Variants in TSHZ2 observed in about 807,000 individuals in gnomAD.
The protein encoded by TSHZ2 is teashirt homolog 2.
TSHZ2 carries 21 observed loss-of-function variants against 74.4 expected under a neutral mutation model. That is an observed-to-expected ratio of 0.28 (90% CI 0.20 to 0.41). The LOEUF (loss-of-function observed/expected upper bound fraction) is 0.41, where lower values mean the gene tolerates loss of function less well. TSHZ2 is among the 10% of genes least tolerant of loss of function. TSHZ2 has a pLI of 1.00. For synonymous variants in TSHZ2, 540 were observed against 515.3 expected (o/e 1.05, Z -0.65); for missense variants, 1,244 against 1,293.5 (o/e 0.96, Z 0.59).
intron 1 of TSHZ2, among the ~76,000 whole-genome samples, chr20:53,129,742 G>A (rs1324148981): frequency 1.3e-5 from 2 of 152,114 alleles, no homozygotes; most frequent in Non-Finnish European, 2.9e-5. Flanking sequence ...TCTACGCAGA[G>A]TGGCTCTGCG....
intron 1 of TSHZ2, chr20:53,178,424 G>A (rs978488589): frequency 2.0e-5 from 3 of 152,216 alleles, no homozygotes; most frequent in Non-Finnish European, 4.4e-5. Flanking sequence ...CTGTTTTCAT[G>A]TTCTTTTGTT....
At position 53,253,488 on chromosome 20, in the gene TSHZ2, T is replaced by C. The variant is rs748806888; in HGVS notation, c.41-11T>C. ...GTTACTGTCGTTTCATCTCTTCTTC[T>C]TCTCTTGCAGGCTACGCCCAGGAGG... On this transcript the variant is annotated splice_polypyrimidine_tract_variant and intron_variant, in intron 1 of 2. Coordinates refer to ENST00000371497, the MANE Select transcript of TSHZ2 (RefSeq NM_173485.6). 1.9e-6 allele frequency: 3 copies of C among 1,584,756 alleles called. No homozygotes were observed. Among genetic ancestry groups the C allele is most frequent in the Admixed American group, 1.8e-5 (1 of 56,100 alleles).
At chr20:53,286,299 G>A (rs1362983927) in intron 2 of TSHZ2, among the ~76,000 whole-genome samples, 1 of 152,202 alleles carries the variant, frequency 6.6e-6, no homozygotes, top group African/African-American at 2.4e-5. Context: ...GCTTTGTGAG[G>A]CAACACAAGA....
chr20:52,977,768 G>T (rs890640355), intron 1 of TSHZ2, among the ~76,000 whole-genome samples: 3 of 152,112 alleles, frequency 2.0e-5, no homozygotes, highest in African/African-American at 7.2e-5. Flanking sequence ...GACACAATAC[G>T]TTAACCCTAA....
intron 2 of TSHZ2, among the ~76,000 whole-genome samples, chr20:53,386,517 A>G (rs1382945204): frequency 1.3e-5 from 2 of 152,212 alleles, no homozygotes; most frequent in African/African-American, 2.4e-5. Flanking sequence ...AGCCTGCCAT[A>G]TTGTAATTTG....
intron 1 of TSHZ2, among the ~76,000 whole-genome samples, chr20:53,104,906 G>T (rs2123303820): frequency 6.6e-6 from 1 of 152,288 alleles, no homozygotes; most frequent in Non-Finnish European, 1.5e-5. Flanking sequence ...TGAAGATGGC[G>T]CCCACCTTTC....
At chr20:53,071,259 A>C (rs929222435) in intron 1 of TSHZ2, among the ~76,000 whole-genome samples, 3 of 152,214 alleles carry the variant, frequency 2.0e-5, no homozygotes, top group Non-Finnish European at 4.4e-5. Context: ...TGAAGTATAC[A>C]GAGACGGGAG....
intron 1 of TSHZ2, among the ~76,000 whole-genome samples, chr20:53,117,812 C>T (rs957418815): frequency 6.6e-6 from 1 of 152,184 alleles, no homozygotes; most frequent in East Asian, 1.9e-4. Flanking sequence ...GCTCTCTGTT[C>T]CCATCTTTTG....
chr20:53,194,460 T>C (rs954100368), intron 1 of TSHZ2, among the ~76,000 whole-genome samples: 1 of 152,228 alleles, frequency 6.6e-6, no homozygotes, highest in African/African-American at 2.4e-5. Context: ...TTGTCAGTGA[T>C]TCAAAGACAT....
At chr20:53,183,873 C>T (rs1387128445) in intron 1 of TSHZ2, among the ~76,000 whole-genome samples, 1 of 152,212 alleles carries the variant, frequency 6.6e-6, no homozygotes, top group Non-Finnish European at 1.5e-5. Context: ...CAAGGCTGCT[C>T]TGCAGATTGC....
chr20:53,005,502 G>A, intron 1 of TSHZ2, among the ~76,000 whole-genome samples: 1 of 152,136 alleles, frequency 6.6e-6, no homozygotes, highest in East Asian at 1.9e-4. Flanking sequence ...CTGTCCCCAG[G>A]CAGTAGACAC....
At chr20:53,162,579 C>G (rs544433952) in intron 1 of TSHZ2, among the ~76,000 whole-genome samples, 1 of 152,236 alleles carries the variant, frequency 6.6e-6, no homozygotes, top group Non-Finnish European at 1.5e-5. Flanking sequence ...TTACCTTCCA[C>G]TGCCAGTGTC....
At position 53,008,424 on chromosome 20, in the gene TSHZ2, A is replaced by G. The variant is rs1033067391; in HGVS notation, c.40+35091A>G. On this transcript the variant is annotated intron_variant, in intron 1 of 2. Transcript: ENST00000371497. Reference sequence around the variant, plus strand: ...TCCCCTGGTTGAATAAAACAGTGGGAGGAGGCATTTGATAGGCTTATAATG... The same window carrying G: ...TCCCCTGGTTGAATAAAACAGTGGGGGGAGGCATTTGATAGGCTTATAATG... Among the ~76,000 whole-genome samples the G allele has an allele frequency of 2.8e-4, 43 of 152,260 alleles. 1 individual carries two copies. Among genetic ancestry groups the G allele is most frequent in the African/African-American group, 1.0e-3 (43 of 41,548 alleles).
chr20:53,396,202 G>C (rs1341284648), intron 2 of TSHZ2, among the ~76,000 whole-genome samples: 2 of 152,238 alleles, frequency 1.3e-5, no homozygotes, highest in Non-Finnish European at 2.9e-5. Context: ...CTCCCAGAGT[G>C]CTGGGATTAC....
intron 2 of TSHZ2, among the ~76,000 whole-genome samples, chr20:53,258,825 G>A (rs1307102387): frequency 6.6e-6 from 1 of 152,182 alleles, no homozygotes; most frequent in African/African-American, 2.4e-5. Context: ...ATCCTTACAA[G>A]CACCATTAGG....
chr20:53,144,292 A>ATCT (rs2123423561), intron 1 of TSHZ2, among the ~76,000 whole-genome samples: 1 of 152,290 alleles, frequency 6.6e-6, no homozygotes, highest in East Asian at 1.9e-4. Context: ...CCCAGACAGG[A>ATCT]AGGGGATTTG....
At chr20:53,049,683 A>G (rs1568735944) in intron 1 of TSHZ2, among the ~76,000 whole-genome samples, 1 of 152,136 alleles carries the variant, frequency 6.6e-6, no homozygotes, top group Non-Finnish European at 1.5e-5. Context: ...CAAGGAAGGA[A>G]AGGAGAGACG....
chr20:53,262,084 A>AT (rs951744564), intron 2 of TSHZ2, among the ~76,000 whole-genome samples: 15 of 151,082 alleles, frequency 9.9e-5, no homozygotes, highest in Admixed American at 2.0e-4. Context: ...CTTGGGGAGG[A>AT]TTTTTTTTTA....
At chr20:53,076,810 C>A (rs1985377687) in intron 1 of TSHZ2, among the ~76,000 whole-genome samples, 1 of 152,084 alleles carries the variant, frequency 6.6e-6, no homozygotes, top group African/African-American at 2.4e-5. Context: ...TCCTGGAAGG[C>A]TGGAAAGAGT....
Sources: gnomAD v4.1 joint callset for allele counts (sites outside exome capture counted in the v4.1 genomes callset) on GRCh38, gnomAD v4.1.1 for gene constraint, MANE v1.5 for transcripts, NCBI Gene and HGNC (gene_info 2026-07-23, HGNC 2026-07-21) for gene names.